The following SLC9A3 variants were observed in gnomAD, a reference collection of about 807,000 sequenced individuals.
SLC9A3 encodes sodium/hydrogen exchanger 3.
In SLC9A3, 37 loss-of-function variants were observed where a neutral mutation model predicts 86.8. The observed-to-expected ratio is 0.43, with a 90% CI of 0.33 to 0.56. SLC9A3 has a LOEUF of 0.56. Ranked by LOEUF, SLC9A3 falls within the 20% of genes least tolerant of loss-of-function variation. The pLI is 0.06. For missense variants in SLC9A3, 1,011 were observed against 1,171.9 expected (o/e 0.86, Z 2.00); for synonymous variants, 581 against 528.3 (o/e 1.10, Z -1.37).
rs534607238 is a variant in SLC9A3, at chr5:484,686, C to T, written c.766G>A (p.Val256Met). 6.3e-5 allele frequency: 102 copies of T among 1,612,964 alleles called. No homozygotes were observed. The highest frequency in any genetic ancestry group is 3.3e-4 in the Admixed American group (20 of 60,026). ...DCVKGIVSFF[V>M]VSLGGTLVGV... ...ACCAGCGTGCCCCCCAGGCTCACCA[C>T]GAAGAAGGACACTGGGTAGAGGACG... is the stretch of plus-strand genomic sequence containing the variant. Residue 256 changes from valine to methionine, a missense_variant, in exon 5 of 17, where the codon GTG becomes ATG. Around this residue, in one of 3 missense-constraint regions of SLC9A3, gnomAD observed 565 missense variants for 790.0 expected, o/e 0.72. Transcript: ENST00000264938.
At chr5:522,686 C>T (rs530605937) in intron 1 of SLC9A3, among the ~76,000 whole-genome samples, 4 of 151,034 alleles carry the variant, frequency 2.6e-5, no homozygotes, top group African/African-American at 9.8e-5. Flanking sequence ...TTGCAGTGAG[C>T]CGAGATCGCG....
chr5:510,012 G>C (rs1372527670), intron 1 of SLC9A3, among the ~76,000 whole-genome samples: 1 of 152,242 alleles, frequency 6.6e-6, no homozygotes, highest in East Asian at 1.9e-4. Flanking sequence ...TTCGGGAGAA[G>C]AGGGGCTCCA....
At chr5:522,759 A>G (rs376942500) in intron 1 of SLC9A3, among the ~76,000 whole-genome samples, 1 of 152,016 alleles carries the variant, frequency 6.6e-6, no homozygotes, top group Non-Finnish European at 1.5e-5. Context: ...AAAAAAAGAA[A>G]AAAAAAGAAA....
At chr5:482,298 C>T (rs891237713) in intron 7 of SLC9A3, 141 bp from the exon 8 acceptor site, 2 of 711,066 alleles carry the variant, frequency 2.8e-6, no homozygotes, top group African/African-American at 3.6e-5. Context: ...AACCCGCGCC[C>T]CTGCTTTGCA....
chr5:509,548 G>A (rs1740785692), intron 1 of SLC9A3, among the ~76,000 whole-genome samples: 1 of 152,032 alleles, frequency 6.6e-6, no homozygotes, highest in South Asian at 2.1e-4. Context: ...GGGCAGAGTA[G>A]GCTGGTCCCA....
rs374948315 is a variant in SLC9A3, at chr5:479,807, C to T, written c.1647+29G>A. The T allele has an allele frequency of 4.6e-5, 74 of 1,610,836 alleles. 1 individual carries two copies. The highest frequency in any genetic ancestry group is 3.3e-4 in the Admixed American group (20 of 60,006). On this transcript the variant is annotated intron_variant, in intron 10 of 16. Transcript: ENST00000264938. ...CCAGTGCCAGAGCCTGCTGCAGCCC[C>T]GACCCGGCAGAGCAAGCGGCTCTGC...
chr5:480,430 G>T, intron 9 of SLC9A3: 1 of 157,622 alleles, frequency 6.3e-6, no homozygotes. Flanking sequence ...GGACTTAGAG[G>T]AAACTCTGGG....
chr5:475,739 T>TGTC (rs955516590), intron 14 of SLC9A3, 68 bp from the exon 15 acceptor site: 124 of 893,634 alleles, frequency 1.4e-4, no homozygotes, highest in Non-Finnish European at 2.2e-4. Flanking sequence ...CAGTCAGCAG[T>TGTC]GTCCATCAGC....
At chr5:481,216 C>T (rs1739143909) in intron 9 of SLC9A3, among the ~76,000 whole-genome samples, 1 of 152,256 alleles carries the variant, frequency 6.6e-6, no homozygotes, top group Admixed American at 6.5e-5. Context: ...CTGATACTAA[C>T]CCTGTTTATG....
intron 9 of SLC9A3, chr5:480,892 A>ACTC (rs1449507797): frequency 2.0e-5 from 3 of 152,298 alleles, no homozygotes; most frequent in South Asian, 2.1e-4. Flanking sequence ...TAATGGACAA[A>ACTC]CTCTTTTTTT....
chr5:497,405 C>T lies in SLC9A3; in HGVS notation c.212-5334G>A, dbSNP rs962605649. ...TCCCTTGACAGCTGGCGTCCACCCT[C>T]GAGCATTTGCGAATGTCAGGCTGAC... On this transcript the variant is annotated intron_variant, in intron 1 of 16. Coordinates refer to ENST00000264938, the MANE Select transcript of SLC9A3 (RefSeq NM_004174.4). This position sits in a 1 kb window ranked among gnomAD's most constrained non-coding sequence, Gnocchi z 5.4. Among the ~76,000 whole-genome samples, 3 of 152,254 alleles carry T rather than the reference C, an allele frequency of 2.0e-5. No homozygotes were observed. Among genetic ancestry groups the T allele is most frequent in the African/African-American group, 4.8e-5 (2 of 41,554 alleles).
At chr5:494,782 A>C (rs1251490821) in intron 1 of SLC9A3, among the ~76,000 whole-genome samples, 1 of 152,064 alleles carries the variant, frequency 6.6e-6, no homozygotes, top group African/African-American at 2.4e-5. Flanking sequence ...ACGAGTGCCT[A>C]GCAAAGCCGG....
rs1436903398 is a variant in SLC9A3 at position 500,688 on chromosome 5, G to A, written c.212-8617C>T. 1.8e-4 allele frequency among the ~76,000 whole-genome samples: 21 copies of A among 113,740 alleles called. 1 individual carries two copies. The highest frequency in any genetic ancestry group is 3.0e-4 in the Non-Finnish European group (18 of 59,204). 74.6% of individuals were successfully genotyped at this position (113,740 alleles called of 152,430 possible). A position where few individuals can be genotyped will look rare whatever the true frequency, so the allele number is the denominator to read the frequency against. ...GGATGGGGCTGGTGTGGATGGGGCC[G>A]TGTGGATGGGGCCAGTGTGGATGGG... On this transcript the variant is annotated intron_variant, in intron 1 of 16. Transcript: ENST00000264938.
intron 1 of SLC9A3, among the ~76,000 whole-genome samples, chr5:523,800 C>T (rs897717773): frequency 1.8e-4 from 27 of 152,194 alleles, no homozygotes; most frequent in Non-Finnish European, 2.8e-4. Context: ...ACTCCCTGGG[C>T]GCGAGCAGCC....
chr5:476,552 C>G lies in SLC9A3; in HGVS notation c.1881G>C (p.Pro627=), dbSNP rs762030011. The G allele has an allele frequency of 1.1e-5, 17 of 1,611,090 alleles. No individual in the cohort carries two copies. The highest frequency in any genetic ancestry group is 1.4e-5 in the Non-Finnish European group (17 of 1,179,732). Residue 627 remains proline, a synonymous_variant, in exon 12 of 17, where the codon CCG becomes CCC. Coordinates refer to ENST00000264938, the MANE Select transcript of SLC9A3 (RefSeq NM_004174.4). ...AGCCCGCAGTGCCCACCTCCTGCCG[C>G]GGCTTGTACAGGTACTGCTGTAGCG... is the stretch of plus-strand genomic sequence containing the variant. The part of the protein sequence containing the change: ...HHTLQQYLYK[P]RQEYKHLYSR...
In SLC9A3 at chr5:484,546, C is replaced by T; in HGVS notation, c.906G>A (p.Glu302=). 2 of 1,613,130 alleles carry T rather than the reference C, an allele frequency of 1.2e-6. No individual in the cohort carries two copies. Among genetic ancestry groups the T allele is most frequent in the Non-Finnish European group, 1.7e-6 (2 of 1,179,962 alleles). The change falls in exon 5 of 17, where the codon GAG becomes GAA. Residue 302 remains glutamate (E), a synonymous_variant. Coordinates refer to ENST00000264938, the MANE Select transcript of SLC9A3 (RefSeq NM_004174.4). ...IISYLSYLTS[E]MLSLSAILAI... The stretch of plus-strand genomic sequence containing the variant: ...CGAGGATGGCCGACAGCGACAGCAT[C>T]TCGGACGTCAGGTAGGACAGGTAGG...
chr5:517,458 C>G, intron 1 of SLC9A3, among the ~76,000 whole-genome samples: 1 of 151,478 alleles, frequency 6.6e-6, no homozygotes, highest in Non-Finnish European at 1.5e-5. Context: ...TCCATTCATC[C>G]AAGCCATCTA....
intron 1 of SLC9A3, among the ~76,000 whole-genome samples, chr5:498,084 G>T (rs181572613): frequency 6.6e-6 from 1 of 152,048 alleles, no homozygotes; most frequent in South Asian, 2.1e-4. Flanking sequence ...TTTTTTCTCC[G>T]CACTCCTGGA....
intron 1 of SLC9A3, among the ~76,000 whole-genome samples, chr5:502,489 C>G (rs528656629): frequency 2.0e-5 from 3 of 152,338 alleles, no homozygotes; most frequent in Non-Finnish European, 4.4e-5. Context: ...GCACAGTCCC[C>G]GGCAAGACAC....
Sources: gnomAD v4.1 joint callset for allele counts (sites outside exome capture counted in the v4.1 genomes callset) on GRCh38, gnomAD v4.1.1 for gene constraint, gnomAD v4.1.1 regional missense constraint, Gnocchi (gnomAD v3.1) non-coding constraint, MANE v1.5 for transcripts, NCBI Gene and HGNC (gene_info 2026-07-23, HGNC 2026-07-21) for gene names.